COL25A1: variants seen among roughly 807,000 people sequenced by gnomAD.
COL25A1 encodes the protein collagen type XXV alpha 1 chain, also known as collagen alpha-1(XXV) chain.
COL25A1 carries 103 observed loss-of-function variants against 128.4 expected under a neutral mutation model. That is an observed-to-expected ratio of 0.80 (90% CI 0.68 to 0.94). The LOEUF (loss-of-function observed/expected upper bound fraction) is 0.94. COL25A1 is among the 40% of genes least tolerant of loss of function. The probability of loss-of-function intolerance (pLI) is 0.00; values close to 1 mark genes in which losing one functional copy is unlikely to be tolerated. For missense variants in COL25A1, 745 were observed against 840.0 expected (o/e 0.89, Z 1.40); for synonymous variants, 279 against 277.2 (o/e 1.01, Z -0.06).
At chr4:109,186,980 T>C (rs528545396) in intron 3 of COL25A1, among the ~76,000 whole-genome samples, 1 of 152,328 alleles carries the variant, frequency 6.6e-6, no homozygotes, top group African/African-American at 2.4e-5. Flanking sequence ...AACGAGCTAA[T>C]GTAATTTGAT....
chr4:109,089,056 C>T (rs1008157495), intron 3 of COL25A1, among the ~76,000 whole-genome samples: 1 of 152,146 alleles, frequency 6.6e-6, no homozygotes, highest in African/African-American at 2.4e-5. Flanking sequence ...TTCACCTGCC[C>T]ATGACCAGCA....
At chr4:108,819,993 G>T in intron 35 of COL25A1, 2 of 476,658 alleles carry the variant, frequency 4.2e-6, no homozygotes, top group South Asian at 1.1e-4. Flanking sequence ...TTCTGGAAGG[G>T]CATTTACCAC....
chr4:109,041,940 T>C (rs1759944925), intron 5 of COL25A1, among the ~76,000 whole-genome samples: 1 of 152,112 alleles, frequency 6.6e-6, no homozygotes, highest in Admixed American at 6.6e-5. Context: ...GGTCCGTCTG[T>C]TACAACAGCT....
intron 5 of COL25A1, among the ~76,000 whole-genome samples, chr4:109,016,968 A>G (rs1478187630): frequency 6.6e-6 from 1 of 152,210 alleles, no homozygotes; most frequent in Non-Finnish European, 1.5e-5. Context: ...CTCATTCGCC[A>G]TGTTGCGAGC....
At chr4:108,893,337 G>T (rs1441920288) in intron 16 of COL25A1, among the ~76,000 whole-genome samples, 1 of 152,136 alleles carries the variant, frequency 6.6e-6, no homozygotes, top group East Asian at 1.9e-4. Flanking sequence ...ACCCCATTTC[G>T]CACAGGGGAA....
intron 3 of COL25A1, among the ~76,000 whole-genome samples, chr4:109,173,933 T>C (rs776931062): frequency 3.3e-5 from 5 of 152,208 alleles, no homozygotes; most frequent in Non-Finnish European, 7.3e-5. Context: ...GTATTTCCTT[T>C]GAGCATCATC....
intron 19 of COL25A1, among the ~76,000 whole-genome samples, chr4:108,871,736 A>G (rs1431998461): frequency 6.6e-6 from 1 of 152,196 alleles, no homozygotes; most frequent in African/African-American, 2.4e-5. Context: ...ATTCAAGGAG[A>G]AAAACCACAT....
At chr4:109,040,048 G>T (rs1194472533) in intron 5 of COL25A1, among the ~76,000 whole-genome samples, 1 of 152,098 alleles carries the variant, frequency 6.6e-6, no homozygotes, top group Non-Finnish European at 1.5e-5. Context: ...GGATGCATGA[G>T]AACTTGTTTC....
chr4:108,903,051 C>T (rs886932018), intron 13 of COL25A1, among the ~76,000 whole-genome samples: 1 of 151,676 alleles, frequency 6.6e-6, no homozygotes, highest in African/African-American at 2.4e-5. Context: ...CCATGGTAGC[C>T]AGAGTTTTTT....
chr4:108,903,638 A>G (rs1436410420), intron 13 of COL25A1, among the ~76,000 whole-genome samples: 1 of 152,084 alleles, frequency 6.6e-6, no homozygotes, highest in African/African-American at 2.4e-5. Context: ...CAATGGAAAC[A>G]TTTTATGGCA....
chr4:108,960,995 A>C (rs1309615132), intron 8 of COL25A1, among the ~76,000 whole-genome samples: 2 of 152,184 alleles, frequency 1.3e-5, no homozygotes, highest in Non-Finnish European at 2.9e-5. Context: ...GCTACACTGA[A>C]TAGAAAAATA....
At chr4:109,012,416 CCT>C (rs5860963) in intron 5 of COL25A1, among the ~76,000 whole-genome samples, 77,546 of 151,942 alleles carry the variant, frequency 0.51, 22,524 homozygotes, top group African/African-American at 0.78. Flanking sequence ...TGTGGGAGCC[CCT>C]GTCTGGGCTG....
intron 22 of COL25A1, among the ~76,000 whole-genome samples, chr4:108,861,659 T>C (rs1034772172): frequency 1.3e-5 from 2 of 152,214 alleles, no homozygotes; most frequent in African/African-American, 4.8e-5. Context: ...ACCTCAACTG[T>C]AGAGCAGCAG....
chr4:109,016,986 A>T (rs1757278075), intron 5 of COL25A1, among the ~76,000 whole-genome samples: 1 of 152,216 alleles, frequency 6.6e-6, no homozygotes, highest in Non-Finnish European at 1.5e-5. Context: ...AGCACCAGAA[A>T]AAAAGAAGAG....
intron 3 of COL25A1, among the ~76,000 whole-genome samples, chr4:109,081,710 ATT>A (rs1227483665): frequency 6.8e-6 from 1 of 147,258 alleles, no homozygotes. Context: ...TTTTTCTTTT[ATT>A]TTTTTTTTTG....
At chr4:109,132,387 A>G (rs1003980142) in intron 3 of COL25A1, among the ~76,000 whole-genome samples, 3 of 152,190 alleles carry the variant, frequency 2.0e-5, no homozygotes, top group African/African-American at 4.8e-5. Flanking sequence ...CTTGAACCCA[A>G]TACTAACAGA....
chr4:108,992,690 TCCAAA>T (rs946358797), intron 6 of COL25A1, among the ~76,000 whole-genome samples: 1 of 152,194 alleles, frequency 6.6e-6, no homozygotes, highest in African/African-American at 2.4e-5. Flanking sequence ...GTATCCACAC[TCCAAA>T]CCATGTGGAC....
chr4:108,864,824 C>T (rs1737691504), intron 20 of COL25A1, among the ~76,000 whole-genome samples: 1 of 152,162 alleles, frequency 6.6e-6, no homozygotes, highest in Non-Finnish European at 1.5e-5. Flanking sequence ...ATTTAATCCT[C>T]AGGACAAATG....
intron 3 of COL25A1, among the ~76,000 whole-genome samples, chr4:109,204,841 A>G (rs1776851919): frequency 1.3e-5 from 2 of 152,160 alleles, no homozygotes; most frequent in Admixed American, 1.3e-4. Context: ...GTACTCTGGG[A>G]AAATTCTCAA....
Sources: allele counts gnomAD v4.1 joint callset (sites outside exome capture counted in the v4.1 genomes callset), GRCh38; gene constraint gnomAD v4.1.1; transcripts MANE v1.5; gene names NCBI Gene and HGNC (gene_info 2026-07-23, HGNC 2026-07-21).